Variants in PTPRN2 observed in about 807,000 individuals in gnomAD.
The protein encoded by PTPRN2 is receptor-type tyrosine-protein phosphatase N2.
PTPRN2 carries 74 observed loss-of-function variants against 118.8 expected under a neutral mutation model. That is an observed-to-expected ratio of 0.62 (90% confidence interval 0.52 to 0.76). The LOEUF (loss-of-function observed/expected upper bound fraction) is 0.76. Ranked by LOEUF, PTPRN2 falls within the 30% of genes least tolerant of loss-of-function variation. The probability of loss-of-function intolerance (pLI) is 0.00; values close to 1 mark genes in which losing one functional copy is unlikely to be tolerated. For missense variants in PTPRN2, 1,481 were observed against 1,394.4 expected, an observed-to-expected ratio of 1.06 and a Z score of -0.99; for synonymous variants, 641 against 608.0, an observed-to-expected ratio of 1.05 and a Z score of -0.80.
chr7:157,815,660 T>C (rs954047483), intron 12 of PTPRN2, among the ~76,000 whole-genome samples: 1 of 152,140 alleles, frequency 6.6e-6, no homozygotes, highest in Non-Finnish European at 1.5e-5. Flanking sequence ...CAGGCACTCA[T>C]GGGGGTCGAC....
chr7:158,284,255 A>G (rs963048295), intron 3 of PTPRN2, among the ~76,000 whole-genome samples: 1 of 152,194 alleles, frequency 6.6e-6, no homozygotes, highest in Non-Finnish European at 1.5e-5. Flanking sequence ...GCTGGTGGGC[A>G]CTGGGCACTG....
intron 3 of PTPRN2, among the ~76,000 whole-genome samples, chr7:158,218,017 T>C (rs1048109151): frequency 2.0e-5 from 3 of 152,146 alleles, no homozygotes; most frequent in Non-Finnish European, 4.4e-5. Flanking sequence ...TTGGAAAACA[T>C]AGTTGAGGAT....
chr7:157,851,866 G>A (rs1368848154), intron 12 of PTPRN2, among the ~76,000 whole-genome samples: 1 of 152,202 alleles, frequency 6.6e-6, no homozygotes, highest in African/African-American at 2.4e-5. Context: ...GCGCTCCCGC[G>A]CCTGCCCTAC....
chr7:158,090,503 AT>A (rs1294806224), intron 10 of PTPRN2, among the ~76,000 whole-genome samples: 2 of 152,200 alleles, frequency 1.3e-5, no homozygotes, highest in African/African-American at 4.8e-5. Flanking sequence ...ATATCATTCC[AT>A]TTATTCCTGA....
At chr7:157,711,820 T>C (rs1798638975) in intron 12 of PTPRN2, among the ~76,000 whole-genome samples, 2 of 151,840 alleles carry the variant, frequency 1.3e-5, no homozygotes, top group South Asian at 2.1e-4. Flanking sequence ...TATTTCAGCA[T>C]TCATTTAGTG....
intron 6 of PTPRN2, among the ~76,000 whole-genome samples, chr7:158,163,031 G>A (rs1288387814): frequency 1.3e-5 from 2 of 152,190 alleles, no homozygotes; most frequent in African/African-American, 4.8e-5. Context: ...TGTTGAGAAT[G>A]TCTGTCTAGC....
intron 21 of PTPRN2, among the ~76,000 whole-genome samples, chr7:157,567,847 G>A (rs1160374448): frequency 6.6e-6 from 1 of 152,166 alleles, no homozygotes; most frequent in Admixed American, 6.5e-5. Flanking sequence ...CTCTTCTCAA[G>A]TAAGTGTCGG....
intron 11 of PTPRN2, among the ~76,000 whole-genome samples, chr7:157,984,275 CGCCAG>C: frequency 6.8e-6 from 1 of 146,278 alleles, no homozygotes; most frequent in African/African-American, 2.5e-5. Flanking sequence ...CCACCCCCCA[CGCCAG>C]GCTCCACCCC....
intron 2 of PTPRN2, among the ~76,000 whole-genome samples, chr7:158,397,009 A>G (rs1812566223): frequency 6.6e-6 from 1 of 152,236 alleles, no homozygotes; most frequent in Admixed American, 6.5e-5. Flanking sequence ...ACAAACCGAC[A>G]TCCTGTCCTC....
At chr7:158,198,514 G>GT (rs1211334051) in intron 4 of PTPRN2, among the ~76,000 whole-genome samples, 1 of 152,178 alleles carries the variant, frequency 6.6e-6, no homozygotes, top group African/African-American at 2.4e-5. Context: ...CCCATCTTAT[G>GT]TTTTATATCC....
intron 3 of PTPRN2, among the ~76,000 whole-genome samples, chr7:158,252,860 A>T (rs1280603243): frequency 6.6e-6 from 1 of 150,480 alleles, no homozygotes; most frequent in Admixed American, 6.6e-5. Flanking sequence ...ATTGATGGGG[A>T]GATTAACATG....
chr7:158,551,291 C>T (rs528941323), intron 1 of PTPRN2, among the ~76,000 whole-genome samples: 5 of 152,362 alleles, frequency 3.3e-5, no homozygotes, highest in African/African-American at 9.6e-5. Context: ...GCCTCAGAGC[C>T]ACTCTCGTGA....
intron 9 of PTPRN2, among the ~76,000 whole-genome samples, chr7:158,121,484 C>T (rs1290596627): frequency 6.6e-6 from 1 of 152,224 alleles, no homozygotes; most frequent in Admixed American, 6.5e-5. Context: ...TTCTTCCAAG[C>T]CTACTGCCCC....
At chr7:157,855,881 G>A (rs527313199) in intron 12 of PTPRN2, 2 of 152,346 alleles carry the variant, frequency 1.3e-5, no homozygotes, top group South Asian at 2.1e-4. Context: ...CCAACTGCAC[G>A]GCACCATCAT....
At chr7:157,835,090 C>A (rs1167506720) in intron 12 of PTPRN2, among the ~76,000 whole-genome samples, 1 of 152,094 alleles carries the variant, frequency 6.6e-6, no homozygotes, top group Non-Finnish European at 1.5e-5. Flanking sequence ...AGATAAAAGC[C>A]AGCAACCAGG....
rs1443773486 is a variant in PTPRN2, at chr7:157,964,906, G to C, written c.1724-66169C>G. Reference sequence around the variant, plus strand: ...TTTGTGAGTGCCCTGCACTCTGTCAGTTGGGCCATGGTATAATTTATGTTC... The same window carrying C: ...TTTGTGAGTGCCCTGCACTCTGTCACTTGGGCCATGGTATAATTTATGTTC... On this transcript the variant is annotated intron_variant, in intron 11 of 22. Coordinates refer to ENST00000389418, the MANE Select transcript of PTPRN2 (RefSeq NM_002847.5). This position sits in a 1 kb window ranked among gnomAD's most constrained non-coding sequence, Gnocchi z 9.0. Among the ~76,000 whole-genome samples, 2 of 152,198 alleles carry C rather than the reference G, an allele frequency of 1.3e-5. No individual in the cohort carries two copies. The highest frequency in any genetic ancestry group is 2.9e-5 in the Non-Finnish European group (2 of 68,038).
intron 6 of PTPRN2, among the ~76,000 whole-genome samples, chr7:158,158,124 T>C (rs1821999309): frequency 6.6e-6 from 1 of 152,138 alleles, no homozygotes; most frequent in Non-Finnish European, 1.5e-5. Context: ...TGGGATGCAT[T>C]CAAATATGAA....
chr7:158,370,094 G>C (rs895352619), intron 2 of PTPRN2, among the ~76,000 whole-genome samples: 3 of 152,174 alleles, frequency 2.0e-5, no homozygotes, highest in Admixed American at 6.6e-5. Flanking sequence ...GGAGAAACTG[G>C]TGCACGGCGG....
intron 6 of PTPRN2, among the ~76,000 whole-genome samples, chr7:158,159,896 C>G (rs1445178393): frequency 6.6e-6 from 1 of 151,226 alleles, no homozygotes; most frequent in Non-Finnish European, 1.5e-5. Flanking sequence ...ATCATAATCT[C>G]AAAAGATACA....
Sources: allele counts gnomAD v4.1 joint callset (sites outside exome capture counted in the v4.1 genomes callset), GRCh38; gene constraint gnomAD v4.1.1; non-coding constraint Gnocchi (gnomAD v3.1); transcripts MANE v1.5; gene names NCBI Gene and HGNC (gene_info 2026-07-23, HGNC 2026-07-21).